Variants in PDE3A observed in about 807,000 individuals in gnomAD.
The protein encoded by PDE3A is phosphodiesterase 3A.
A neutral mutation model predicts 98.3 loss-of-function variants in PDE3A; 43 were observed. The observed-to-expected ratio is 0.44, with a 90% CI of 0.34 to 0.56. The LOEUF (loss-of-function observed/expected upper bound fraction) is 0.56, where lower values mean the gene tolerates loss of function less well. Among genes scored for constraint, PDE3A ranks in the 20% least tolerant of loss-of-function variants. PDE3A has a pLI of 0.01. For synonymous variants in PDE3A, 663 were observed against 567.9 expected, an observed-to-expected ratio of 1.17 and a Z score of -2.38; for missense variants, 1,427 against 1,440.7, an observed-to-expected ratio of 0.99 and a Z score of 0.15.
intron 1 of PDE3A, among the ~76,000 whole-genome samples, chr12:20,528,876 C>T (rs999976007): frequency 3.3e-5 from 5 of 152,086 alleles, no homozygotes; most frequent in African/African-American, 4.8e-5. Flanking sequence ...AGAGAATAGA[C>T]TCTAGTTTAG....
chr12:20,557,763 G>A (rs930112561), intron 2 of PDE3A, among the ~76,000 whole-genome samples: 4 of 152,022 alleles, frequency 2.6e-5, no homozygotes, highest in African/African-American at 7.2e-5. Context: ...AATTTGATTA[G>A]TAAATAATGT....
intron 2 of PDE3A, among the ~76,000 whole-genome samples, chr12:20,571,651 T>G (rs1942804708): frequency 6.6e-6 from 1 of 152,188 alleles, no homozygotes; most frequent in Admixed American, 6.6e-5. Flanking sequence ...GTACTCTGGG[T>G]GGCATCATGT....
At chr12:20,635,151 T>A in intron 8 of PDE3A, 95 bp downstream of exon 8, 1 of 1,165,954 alleles carries the variant, frequency 8.6e-7, no homozygotes, top group Non-Finnish European at 1.2e-6. Context: ...CCAGGCAAGG[T>A]GGCTCACACC....
intron 1 of PDE3A, among the ~76,000 whole-genome samples, chr12:20,521,750 G>A (rs576128867): frequency 4.6e-5 from 7 of 152,246 alleles, no homozygotes; most frequent in African/African-American, 1.7e-4. Flanking sequence ...AGGTTCAAGA[G>A]GCTGAAGAAG....
Position 20,552,462 on chromosome 12 carries a change from C to G in PDE3A, c.961-4198C>G. 1 of 1,612,640 alleles carries G rather than the reference C, an allele frequency of 6.2e-7. No homozygotes were observed. The highest frequency in any genetic ancestry group is 1.1e-5 in the South Asian group (1 of 90,978). On this transcript the variant is annotated intron_variant, in intron 1 of 15. Transcript: ENST00000359062. This position sits in a 1 kb window ranked among gnomAD's most constrained non-coding sequence, Gnocchi z 5.1. ...TGACCATGCAGTATCCAGAAGGCTA[C>G]CTGGAAGCCCTGGCCAACCGAGAGC...
chr12:20,410,238 T>C (rs1351765585), intron 1 of PDE3A, among the ~76,000 whole-genome samples: 1 of 152,206 alleles, frequency 6.6e-6, no homozygotes, highest in African/African-American at 2.4e-5. Flanking sequence ...GCCACACTTG[T>C]TTGGCATGAC....
chr12:20,591,947 C>G (rs375189223), intron 2 of PDE3A, among the ~76,000 whole-genome samples: 6 of 152,088 alleles, frequency 3.9e-5, no homozygotes, highest in African/African-American at 1.4e-4. Context: ...TTTTTATGCA[C>G]TTCATTATGA....
rs1486203351 is a variant in PDE3A at position 20,370,198 on chromosome 12, G to A, written c.914G>A (p.Ser305Asn). The A allele has an allele frequency of 1.2e-6, 2 of 1,607,796 alleles. No homozygotes were observed. The highest frequency in any genetic ancestry group is 1.1e-5 in the South Asian group (1 of 90,114). ...VVSAEMSGCSSKSHRRTSLPC... is the reference protein window; with the variant it reads ...VVSAEMSGCSNKSHRRTSLPC... Reference sequence around the variant, plus strand: ...TCCGCCGAGATGTCCGGCTGCAGCAGCAAGTCCCATCGGAGGACCTCCCTG... The same window carrying A: ...TCCGCCGAGATGTCCGGCTGCAGCAACAAGTCCCATCGGAGGACCTCCCTG... Residue 305 changes from serine to asparagine, a missense_variant, in exon 1 of 16, where the codon AGC (serine) becomes AAC (asparagine). Transcript: ENST00000359062.
At position 20,685,835 on chromosome 12, in the gene PDE3A, T is replaced by G. The variant is rs527658290; in HGVS notation, c.*5564T>G. Among the ~76,000 whole-genome samples the G allele has an allele frequency of 6.6e-6, 1 of 152,298 alleles. No homozygotes were observed. Among genetic ancestry groups the G allele is most frequent in the African/African-American group, 2.4e-5 (1 of 41,582 alleles). ...GCAATGATTTCCTCATTGCTTTGCATTAAGAAGTGGTTCTTTAGTTATGCA... is the reference window on the plus strand; with the variant it reads ...GCAATGATTTCCTCATTGCTTTGCAGTAAGAAGTGGTTCTTTAGTTATGCA... On this transcript the variant is annotated 3_prime_UTR_variant, in exon 16 of 16. Transcript: ENST00000359062.
intron 1 of PDE3A, among the ~76,000 whole-genome samples, chr12:20,440,591 A>C (rs1017761927): frequency 5.9e-5 from 9 of 152,198 alleles, no homozygotes; most frequent in Admixed American, 1.3e-4. Context: ...TCACTTACAT[A>C]ACACTTCTTG....
chr12:20,527,791 G>A (rs562562340), intron 1 of PDE3A, among the ~76,000 whole-genome samples: 2 of 152,142 alleles, frequency 1.3e-5, no homozygotes, highest in South Asian at 2.1e-4. Context: ...TATAATACCC[G>A]ATGCCAGGGG....
At chr12:20,380,346 A>G (rs1354681554) in intron 1 of PDE3A, among the ~76,000 whole-genome samples, 1 of 151,864 alleles carries the variant, frequency 6.6e-6, no homozygotes, top group Non-Finnish European at 1.5e-5. Flanking sequence ...GAAATTTGGT[A>G]GCATAATTGC....
intron 1 of PDE3A, among the ~76,000 whole-genome samples, chr12:20,487,655 G>GA (rs61676423): frequency 0.41 from 48,122 of 118,234 alleles, 8,696 homozygotes; most frequent in East Asian, 0.68. Context: ...TCAGGCTTAA[G>GA]AAAAAAAAAT....
chr12:20,563,370 G>A (rs1294546656), intron 2 of PDE3A, among the ~76,000 whole-genome samples: 1 of 152,018 alleles, frequency 6.6e-6, no homozygotes, highest in East Asian at 1.9e-4. Context: ...AATACATTTT[G>A]GAAAGATGAC....
rs530025623 is a variant in PDE3A, at chr12:20,579,130, A to G, written c.1011+22420A>G. Among the ~76,000 whole-genome samples, 8 of 152,318 alleles carry G rather than the reference A, an allele frequency of 5.3e-5. No individual in the cohort carries two copies. In the South Asian group the frequency reaches 1.7e-3, roughly 32 times the overall value. On this transcript the variant is annotated intron_variant, in intron 2 of 15. Transcript: ENST00000359062. ...GTTGGGAAACCCTAGAAGATTTTCC[A>G]TGAGAAAAGAATTTTTAGTCTCTTT...
chr12:20,420,878 G>A (rs1466261617), intron 1 of PDE3A, among the ~76,000 whole-genome samples: 1 of 152,146 alleles, frequency 6.6e-6, no homozygotes. Context: ...TTATTCATAT[G>A]TTCTAAATCT....
At chr12:20,463,446 ATTATG>A (rs1346826767) in intron 1 of PDE3A, among the ~76,000 whole-genome samples, 1 of 152,132 alleles carries the variant, frequency 6.6e-6, no homozygotes, top group Non-Finnish European at 1.5e-5. Flanking sequence ...ACTCAACATA[ATTATG>A]TTATACTTGT....
chr12:20,386,180 T>C (rs1413457501), intron 1 of PDE3A, among the ~76,000 whole-genome samples: 3 of 68,076 alleles, frequency 4.4e-5, no homozygotes, highest in South Asian at 9.4e-4. Context: ...TAAAAATATA[T>C]ATAAATATAT....
intron 1 of PDE3A, among the ~76,000 whole-genome samples, chr12:20,373,517 TATAA>T (rs1161554482): frequency 6.6e-6 from 1 of 152,148 alleles, no homozygotes; most frequent in Non-Finnish European, 1.5e-5. Context: ...CCATTCTCTT[TATAA>T]ATAAAGAACT....
Sources: allele counts gnomAD v4.1 joint callset (sites outside exome capture counted in the v4.1 genomes callset), GRCh38; gene constraint gnomAD v4.1.1; non-coding constraint Gnocchi (gnomAD v3.1); transcripts MANE v1.5; gene names NCBI Gene and HGNC (gene_info 2026-07-23, HGNC 2026-07-21).